NEGR1: variants seen among roughly 807,000 people sequenced by gnomAD.
The protein encoded by NEGR1 is IgLON family member 4.
NEGR1 carries 10 observed loss-of-function variants against 40.9 expected under a neutral mutation model. The ratio of observed to expected loss-of-function variants is 0.24; its 90% CI spans 0.15 to 0.42. The LOEUF (loss-of-function observed/expected upper bound fraction) is 0.42. Ranked by LOEUF, NEGR1 falls within the 10% of genes least tolerant of loss-of-function variation. The pLI is 1.00. For synonymous variants in NEGR1, 185 were observed against 166.8 expected, an observed-to-expected ratio of 1.11 and a Z score of -0.84; for missense variants, 352 against 438.9, an observed-to-expected ratio of 0.80 and a Z score of 1.77.
chr1:72,099,886 C>CAT lies in NEGR1; in HGVS notation c.177-164577_177-164576dup, dbSNP rs113672812. Among the ~76,000 whole-genome samples the CAT allele has an allele frequency of 2.9e-3, 435 of 148,988 alleles. 3 individuals carry two copies. The highest frequency in any genetic ancestry group is 3.5e-3 in the Middle Eastern group (1 of 282). On this transcript the variant is annotated intron_variant, in intron 1 of 6. Transcript: ENST00000357731. ...ACATTATATATACTCTCTCTCTCTC[C>CAT]ATATATATATATATACACACACACA...
chr1:72,114,746 G>T (rs1569988328), intron 1 of NEGR1, among the ~76,000 whole-genome samples: 1 of 151,756 alleles, frequency 6.6e-6, no homozygotes, highest in Admixed American at 6.6e-5. Flanking sequence ...TTTAAAGAAA[G>T]CAAGACAGAT....
chr1:71,452,814 ACC>A (rs1380115846), intron 6 of NEGR1, among the ~76,000 whole-genome samples: 3 of 16,948 alleles, frequency 1.8e-4, no homozygotes, highest in African/African-American at 2.1e-4. Context: ...ACAAAAAAAA[ACC>A]AAAAAAAAAA....
chr1:71,660,781 A>G (rs144174881), intron 4 of NEGR1, among the ~76,000 whole-genome samples: 41 of 152,240 alleles, frequency 2.7e-4, no homozygotes, highest in African/African-American at 9.1e-4. Flanking sequence ...TACACGTGCC[A>G]TGGTGGTTTG....
At chr1:71,455,982 C>G (rs1162081084) in intron 6 of NEGR1, among the ~76,000 whole-genome samples, 2 of 152,050 alleles carry the variant, frequency 1.3e-5, no homozygotes, top group Non-Finnish European at 2.9e-5. Flanking sequence ...TACAGATAAT[C>G]GTAACATGCA....
At chr1:72,021,263 G>A (rs1443916724) in intron 1 of NEGR1, among the ~76,000 whole-genome samples, 1 of 152,064 alleles carries the variant, frequency 6.6e-6, no homozygotes, top group Non-Finnish European at 1.5e-5. Flanking sequence ...CCCTATCAAA[G>A]TTTGAAGAAT....
At chr1:71,729,588 T>C (rs1056913888) in intron 3 of NEGR1, among the ~76,000 whole-genome samples, 1 of 152,070 alleles carries the variant, frequency 6.6e-6, no homozygotes, top group African/African-American at 2.4e-5. Context: ...GAGATTTGCA[T>C]TGGTAAATTA....
chr1:72,221,899 C>T (rs908363110), intron 1 of NEGR1, among the ~76,000 whole-genome samples: 3 of 152,144 alleles, frequency 2.0e-5, no homozygotes. Context: ...CCTCAAGCTT[C>T]AGGCTGCTCC....
At chr1:71,929,480 C>G (rs1645834199) in intron 2 of NEGR1, among the ~76,000 whole-genome samples, 1 of 152,056 alleles carries the variant, frequency 6.6e-6, no homozygotes, top group African/African-American at 2.4e-5. Context: ...TTGATCTCCT[C>G]CACAGGTAAA....
At chr1:71,496,758 G>A (rs1040806379) in intron 6 of NEGR1, among the ~76,000 whole-genome samples, 1 of 152,074 alleles carries the variant, frequency 6.6e-6, no homozygotes, top group Non-Finnish European at 1.5e-5. Context: ...CTGAGCTGGG[G>A]GATGTGCAAT....
intron 1 of NEGR1, among the ~76,000 whole-genome samples, chr1:72,100,082 T>G (rs918484895): frequency 3.3e-5 from 5 of 152,160 alleles, no homozygotes; most frequent in African/African-American, 1.2e-4. Flanking sequence ...TTGATTCTTT[T>G]AAGGACTAAA....
At chr1:71,645,665 T>A (rs948083629) in intron 4 of NEGR1, among the ~76,000 whole-genome samples, 1 of 151,872 alleles carries the variant, frequency 6.6e-6, no homozygotes, top group African/African-American at 2.4e-5. Context: ...TAACATCTTT[T>A]GGAGGAAATG....
At chr1:72,065,208 C>T (rs1005539594) in intron 1 of NEGR1, among the ~76,000 whole-genome samples, 1 of 152,004 alleles carries the variant, frequency 6.6e-6, no homozygotes, top group Non-Finnish European at 1.5e-5. Flanking sequence ...GTATATTTTG[C>T]ACACTGTATT....
intron 3 of NEGR1, among the ~76,000 whole-genome samples, chr1:71,758,469 G>A (rs1298285199): frequency 6.6e-6 from 1 of 151,944 alleles, no homozygotes; most frequent in Non-Finnish European, 1.5e-5. Flanking sequence ...TACTAAAAGT[G>A]AGAATGATTA....
At chr1:72,018,770 GGGA>G (rs1646732876) in intron 1 of NEGR1, among the ~76,000 whole-genome samples, 1 of 152,160 alleles carries the variant, frequency 6.6e-6, no homozygotes, top group Admixed American at 6.5e-5. Flanking sequence ...AGGGCAGGAG[GGGA>G]GGAGAAGGAG....
At chr1:71,450,904 T>C (rs931957776) in intron 6 of NEGR1, among the ~76,000 whole-genome samples, 8 of 152,098 alleles carry the variant, frequency 5.3e-5, no homozygotes, top group African/African-American at 1.7e-4. Flanking sequence ...GATTAAATAT[T>C]ACTTACAGTG....
intron 3 of NEGR1, among the ~76,000 whole-genome samples, chr1:71,729,564 C>T (rs181822800): frequency 2.0e-5 from 3 of 152,132 alleles, no homozygotes; most frequent in East Asian, 1.9e-4. Context: ...TTGTGATTTA[C>T]GGTAAAAATC....
chr1:72,216,371 TTA>T (rs1244656582), intron 1 of NEGR1, among the ~76,000 whole-genome samples: 1 of 115,700 alleles, frequency 8.6e-6, no homozygotes, highest in Admixed American at 8.4e-5. Context: ...AACTTGGAAG[TTA>T]TATATATATA....
chr1:72,190,699 G>C (rs1045152430), intron 1 of NEGR1, among the ~76,000 whole-genome samples: 1 of 151,182 alleles, frequency 6.6e-6, no homozygotes, highest in African/African-American at 2.4e-5. Context: ...TTTTATAGAG[G>C]CAAGAAAGTA....
intron 1 of NEGR1, among the ~76,000 whole-genome samples, chr1:72,117,782 T>C (rs1246658720): frequency 6.6e-6 from 1 of 151,836 alleles, no homozygotes; most frequent in Non-Finnish European, 1.5e-5. Context: ...ATTCTTTATA[T>C]AGGCCAGACT....
Sources: gnomAD v4.1 joint callset for allele counts (sites outside exome capture counted in the v4.1 genomes callset) on GRCh38, gnomAD v4.1.1 for gene constraint, MANE v1.5 for transcripts, NCBI Gene and HGNC (gene_info 2026-07-23, HGNC 2026-07-21) for gene names.